Variants in ERH observed in about 807,000 individuals in gnomAD.
ERH encodes enhancer of rudimentary homolog.
A neutral mutation model predicts 16.8 loss-of-function variants in ERH; 1 was observed. That is an observed-to-expected ratio of 0.06 (90% CI 0.02 to 0.28). The LOEUF (loss-of-function observed/expected upper bound fraction) is 0.28, where lower values mean the gene tolerates loss of function less well. ERH is among the 10% of genes least tolerant of loss of function. ERH has a pLI of 1.00. For synonymous variants in ERH, 43 were observed against 43.6 expected (o/e 0.99, Z 0.05); for missense variants, 42 against 127.5 (o/e 0.33, Z 3.23).
chr14:69,390,779 G>A (rs977728758), intron 2 of ERH, among the ~76,000 whole-genome samples: 6 of 152,104 alleles, frequency 3.9e-5, no homozygotes, highest in African/African-American at 4.8e-5. Context: ...TCTGATAAAG[G>A]ACTAATGTCT....
chr14:69,390,404 C>A (rs984031232), intron 2 of ERH, among the ~76,000 whole-genome samples: 2 of 152,096 alleles, frequency 1.3e-5, no homozygotes, highest in African/African-American at 4.8e-5. Context: ...AGAAACAAAC[C>A]CTCACATTTA....
At chr14:69,396,913 A>C (rs1882351844) in intron 1 of ERH, among the ~76,000 whole-genome samples, 1 of 152,370 alleles carries the variant, frequency 6.6e-6, no homozygotes, top group Admixed American at 6.5e-5. Context: ...CGAGTCATTT[A>C]AGAAAAAATA....
chr14:69,397,909 C>G, intron 1 of ERH: 1 of 510,428 alleles, frequency 2.0e-6, no homozygotes, highest in East Asian at 3.5e-5. Context: ...TAGAGTGAGA[C>G]TCTCTATCTC....
chr14:69,384,032 T>A (rs890884222), intron 3 of ERH, among the ~76,000 whole-genome samples: 1 of 152,194 alleles, frequency 6.6e-6, no homozygotes, highest in African/African-American at 2.4e-5. Flanking sequence ...AGTTATGTTA[T>A]GTCATTAATG....
At chr14:69,380,721 A>G in intron 3 of ERH, 81 bp from the exon 4 acceptor site, 5 of 772,464 alleles carry the variant, frequency 6.5e-6, no homozygotes, top group Non-Finnish European at 1.2e-5. Context: ...TAACTGCCCA[A>G]TGATGGCATA....
chr14:69,389,007 C>T (rs541747585), intron 2 of ERH, among the ~76,000 whole-genome samples: 31 of 151,968 alleles, frequency 2.0e-4, no homozygotes, highest in Non-Finnish European at 2.8e-4. Context: ...GTTAAAAAGG[C>T]ATTGACCCAC....
intron 3 of ERH, among the ~76,000 whole-genome samples, chr14:69,382,644 C>G (rs2045869281): frequency 6.7e-6 from 1 of 149,796 alleles, no homozygotes; most frequent in Non-Finnish European, 1.5e-5. Context: ...CCATCCTGAC[C>G]AACATTGTGA....
rs774874536 is a variant in ERH, at chr14:69,398,270, C to G, written c.-37G>C. ...CTCTTCGCTACAGCAGCTGCCGACA[C>G]CGCCGCCGTTACACGAGCTTAACTA... On this transcript the variant is annotated 5_prime_UTR_variant, in exon 1 of 4. Coordinates refer to ENST00000557016, the MANE Select transcript of ERH (RefSeq NM_004450.3). The G allele has an allele frequency of 6.2e-7, 1 of 1,613,448 alleles. No individual in the cohort carries two copies. Among genetic ancestry groups the G allele is most frequent in the Non-Finnish European group, 8.5e-7 (1 of 1,179,866 alleles).
chr14:69,390,719 GA>G (rs1193824319), intron 2 of ERH, among the ~76,000 whole-genome samples: 1 of 152,172 alleles, frequency 6.6e-6, no homozygotes, highest in Non-Finnish European at 1.5e-5. Flanking sequence ...ACACTATTAA[GA>G]AAGTGAGAAG....
chr14:69,394,746 A>C (rs1298869329), intron 2 of ERH, 79 bp downstream of exon 2: 3 of 310,918 alleles, frequency 9.6e-6, no homozygotes, highest in South Asian at 6.6e-5. Context: ...ATGGACTATT[A>C]AAAAAAAAAA....
At chr14:69,383,587 T>C (rs2045875224) in intron 3 of ERH, among the ~76,000 whole-genome samples, 2 of 152,330 alleles carry the variant, frequency 1.3e-5, no homozygotes, top group East Asian at 1.9e-4. Context: ...TCTGAAAGTT[T>C]TTCAGAGGCC....
chr14:69,389,232 G>A, intron 2 of ERH, among the ~76,000 whole-genome samples: 1 of 152,090 alleles, frequency 6.6e-6, no homozygotes, highest in East Asian at 1.9e-4. Flanking sequence ...TTGCGATTTT[G>A]GCCAGGCTGG....
At chr14:69,393,633 G>A (rs1882267869) in intron 2 of ERH, among the ~76,000 whole-genome samples, 1 of 152,208 alleles carries the variant, frequency 6.6e-6, no homozygotes, top group Non-Finnish European at 1.5e-5. Flanking sequence ...AGACAGAGTG[G>A]AATAACTGAC....
At chr14:69,390,671 A>C (rs2045919056) in intron 2 of ERH, among the ~76,000 whole-genome samples, 1 of 152,250 alleles carries the variant, frequency 6.6e-6, no homozygotes, top group Admixed American at 6.5e-5. Flanking sequence ...TATGCAAGTT[A>C]AAGTTTATAA....
At chr14:69,383,646 C>G (rs934812765) in intron 3 of ERH, among the ~76,000 whole-genome samples, 13 of 152,120 alleles carry the variant, frequency 8.5e-5, no homozygotes, top group Non-Finnish European at 1.5e-4. Flanking sequence ...GGTTTTCAAG[C>G]TATGATAATT....
intron 1 of ERH, among the ~76,000 whole-genome samples, chr14:69,397,612 A>G (rs1158664327): frequency 6.6e-6 from 1 of 152,190 alleles, no homozygotes; most frequent in African/African-American, 2.4e-5. Flanking sequence ...AGGCTAGAGC[A>G]TTTGGAGGGA....
intron 2 of ERH, among the ~76,000 whole-genome samples, chr14:69,389,330 A>G (rs1262299920): frequency 1.3e-5 from 2 of 152,126 alleles, no homozygotes; most frequent in Admixed American, 1.3e-4. Flanking sequence ...CCCGGCCTCC[A>G]TTATACTTAA....
At chr14:69,381,789 CAT>C (rs1244931463) in intron 3 of ERH, among the ~76,000 whole-genome samples, 1 of 152,076 alleles carries the variant, frequency 6.6e-6, no homozygotes, top group East Asian at 1.9e-4. Context: ...CCTGGGTTCA[CAT>C]GATTCTCCTG....
intron 1 of ERH, among the ~76,000 whole-genome samples, chr14:69,397,452 G>GAAAAAAA (rs201254745): frequency 4.7e-5 from 6 of 127,438 alleles, no homozygotes; most frequent in African/African-American, 1.8e-4. Context: ...TCAAAAACAG[G>GAAAAAAA]AAAAAAAAAA....
Sources: allele counts gnomAD v4.1 joint callset (sites outside exome capture counted in the v4.1 genomes callset), GRCh38; gene constraint gnomAD v4.1.1; transcripts MANE v1.5; gene names NCBI Gene and HGNC (gene_info 2026-07-23, HGNC 2026-07-21).